MALRD1: variants seen among roughly 807,000 people sequenced by gnomAD.
MALRD1 encodes the protein MAM and LDL receptor class A domain containing 1.
Under a neutral mutation model 242.1 loss-of-function variants are expected in MALRD1, and 247 were observed. That is an observed-to-expected ratio of 1.02 (90% CI 0.92 to 1.13). The LOEUF (loss-of-function observed/expected upper bound fraction) is 1.13, where lower values mean the gene tolerates loss of function less well. MALRD1 is among the 50% of genes most tolerant of loss of function. The probability of loss-of-function intolerance (pLI) is 0.00; values close to 1 mark genes in which losing one functional copy is unlikely to be tolerated. For missense variants in MALRD1, 2,989 were observed against 2,533.1 expected (o/e 1.18, Z -3.86); for synonymous variants, 995 against 866.6 (o/e 1.15, Z -2.60).
chr10:19,523,411 C>G (rs761454201), intron 31 of MALRD1, among the ~76,000 whole-genome samples: 45 of 152,216 alleles, frequency 3.0e-4, no homozygotes, highest in Middle Eastern at 3.2e-3. Flanking sequence ...AGTCAAAGCT[C>G]TTTTATAATA....
At position 19,305,320 on chromosome 10, in the gene MALRD1, T is replaced by C. The variant is rs142713425; in HGVS notation, c.3420-18629T>C. 4.4e-4 allele frequency among the ~76,000 whole-genome samples: 67 copies of C among 151,792 alleles called. No individual in the cohort carries two copies. In the East Asian group the frequency reaches 0.011, roughly 25 times the overall value. On this transcript the variant is annotated intron_variant, in intron 21 of 39. Coordinates refer to ENST00000454679, the MANE Select transcript of MALRD1 (RefSeq NM_001142308.3). ...TAATAGAAAATACTTTTCAAAAATC[T>C]AGCTGAAATTCTTCTTTGAAAATTA...
intron 28 of MALRD1, among the ~76,000 whole-genome samples, chr10:19,411,245 A>G (rs1833265516): frequency 6.6e-6 from 1 of 152,178 alleles, no homozygotes; most frequent in Non-Finnish European, 1.5e-5. Context: ...TAGGTCAGCT[A>G]GGTAAAGATA....
intron 26 of MALRD1, among the ~76,000 whole-genome samples, chr10:19,383,280 A>G (rs1275510443): frequency 6.6e-6 from 1 of 152,038 alleles, no homozygotes; most frequent in African/African-American, 2.4e-5. Flanking sequence ...TTTCACTCCC[A>G]TTGATAAGTG....
At chr10:19,152,729 C>G (rs1833988659) in intron 11 of MALRD1, among the ~76,000 whole-genome samples, 1 of 151,700 alleles carries the variant, frequency 6.6e-6, no homozygotes, top group South Asian at 2.1e-4. Context: ...AAATGGAATA[C>G]TTTGGCTTTC....
intron 5 of MALRD1, among the ~76,000 whole-genome samples, chr10:19,116,559 G>A (rs1252162517): frequency 6.6e-6 from 1 of 152,132 alleles, no homozygotes; most frequent in Non-Finnish European, 1.5e-5. Flanking sequence ...TTACCACAAT[G>A]GCCTTGAGAC....
At chr10:19,240,713 G>A (rs1363805435) in intron 18 of MALRD1, among the ~76,000 whole-genome samples, 1 of 152,000 alleles carries the variant, frequency 6.6e-6, no homozygotes, top group Non-Finnish European at 1.5e-5. Flanking sequence ...TGTCACATAT[G>A]GCCTTTACTG....
intron 38 of MALRD1, among the ~76,000 whole-genome samples, chr10:19,727,992 T>A (rs745771183): frequency 2.0e-5 from 3 of 152,206 alleles, no homozygotes; most frequent in Non-Finnish European, 4.4e-5. Flanking sequence ...ACTAGCAATT[T>A]CCTTCATGGA....
At chr10:19,048,798 G>A, upstream of MALRD1, 1 of 546,896 alleles carries the variant, frequency 1.8e-6, no homozygotes, top group Non-Finnish European at 2.8e-6. Flanking sequence ...GGAGTAATTT[G>A]TTAGAGTTGC....
intron 32 of MALRD1, among the ~76,000 whole-genome samples, chr10:19,548,297 C>T (rs1214626512): frequency 6.6e-6 from 1 of 152,034 alleles, no homozygotes; most frequent in Non-Finnish European, 1.5e-5. Flanking sequence ...CCACGCCTGG[C>T]CTACTTGAGT....
intron 28 of MALRD1, among the ~76,000 whole-genome samples, chr10:19,428,855 A>G (rs1182475122): frequency 1.3e-5 from 2 of 152,208 alleles, no homozygotes; most frequent in African/African-American, 4.8e-5. Context: ...AGAAATAACC[A>G]TAAATTCAAA....
At chr10:19,240,035 A>G (rs975797619) in intron 18 of MALRD1, among the ~76,000 whole-genome samples, 4 of 152,142 alleles carry the variant, frequency 2.6e-5, no homozygotes, top group Admixed American at 2.6e-4. Flanking sequence ...TTCTGTGAAG[A>G]ATTTCATTGG....
chr10:19,213,605 T>G (rs566001480), intron 18 of MALRD1, among the ~76,000 whole-genome samples: 1 of 152,352 alleles, frequency 6.6e-6, no homozygotes, highest in African/African-American at 2.4e-5. Context: ...TTAATGTTCT[T>G]AACTGATAAC....
At chr10:19,371,735 C>T (rs1564602441) in intron 26 of MALRD1, among the ~76,000 whole-genome samples, 2 of 152,118 alleles carry the variant, frequency 1.3e-5, no homozygotes, top group Non-Finnish European at 2.9e-5. Flanking sequence ...ATTATATTCA[C>T]TCATAGTATG....
chr10:19,652,134 A>G (rs1242308139), intron 36 of MALRD1, among the ~76,000 whole-genome samples: 1 of 152,174 alleles, frequency 6.6e-6, no homozygotes, highest in East Asian at 1.9e-4. Context: ...CCAGGATGAG[A>G]GCCTGTTCTT....
At chr10:19,388,189 A>G (rs1356718412) in intron 27 of MALRD1, among the ~76,000 whole-genome samples, 1 of 152,062 alleles carries the variant, frequency 6.6e-6, no homozygotes, top group Non-Finnish European at 1.5e-5. Flanking sequence ...TCCCTGTTTC[A>G]TTAGGACCCA....
intron 5 of MALRD1, among the ~76,000 whole-genome samples, chr10:19,122,438 T>C (rs1434392217): frequency 6.6e-6 from 1 of 151,986 alleles, no homozygotes; most frequent in Non-Finnish European, 1.5e-5. Context: ...ATCAAGAAAC[T>C]GAGAAGCAAA....
chr10:19,352,167 A>G lies in MALRD1; in HGVS notation c.4311A>G (p.Gln1437=). Residue 1437 remains glutamine, a synonymous_variant, in exon 26 of 40, where the codon CAA becomes CAG. Transcript: ENST00000454679. ...CACTGTTTGGTGATGAAGACTTCCAACTCAAATTTGAAGGTAGAGTTGGGA... is the reference window on the plus strand; with the variant it reads ...CACTGTTTGGTGATGAAGACTTCCAGCTCAAATTTGAAGGTAGAGTTGGGA... The part of the protein sequence containing the change: ...ELSLFGDEDF[Q]LKFEGRVGKG... 6.4e-7 allele frequency: 1 copy of G among 1,550,528 alleles called. No homozygotes were observed. Among genetic ancestry groups the G allele is most frequent in the South Asian group, 1.2e-5 (1 of 84,062 alleles).
intron 31 of MALRD1, among the ~76,000 whole-genome samples, chr10:19,509,123 ATAAT>A (rs1833280679): frequency 6.6e-6 from 1 of 152,168 alleles, no homozygotes; most frequent in African/African-American, 2.4e-5. Context: ...GTATATCCTA[ATAAT>A]TAAACATTAT....
intron 18 of MALRD1, among the ~76,000 whole-genome samples, chr10:19,251,986 G>T (rs1244897191): frequency 6.6e-6 from 1 of 151,934 alleles, no homozygotes; most frequent in African/African-American, 2.4e-5. Context: ...TGCCATGATT[G>T]TAAGTTTCCT....
Sources: gnomAD v4.1 joint callset for allele counts (sites outside exome capture counted in the v4.1 genomes callset) on GRCh38, gnomAD v4.1.1 for gene constraint, MANE v1.5 for transcripts, NCBI Gene and HGNC (gene_info 2026-07-23, HGNC 2026-07-21) for gene names.